ZNF800: variants seen among roughly 807,000 people sequenced by gnomAD.
The protein encoded by ZNF800 is zinc finger protein 800.
Under a neutral mutation model 59.5 loss-of-function variants are expected in ZNF800, and 13 were observed. That is an observed-to-expected ratio of 0.22 (90% CI 0.14 to 0.35). ZNF800 has a LOEUF of 0.35. ZNF800 is among the 10% of genes least tolerant of loss of function. The pLI, the probability that ZNF800 is intolerant of heterozygous loss-of-function variation, is 1.00. For synonymous variants in ZNF800, 266 were observed against 265.7 expected, an observed-to-expected ratio of 1.00 and a Z score of -0.01; for missense variants, 621 against 783.7, an observed-to-expected ratio of 0.79 and a Z score of 2.48.
rs1478727805 is a variant in ZNF800, at chr7:127,371,120, A to G, written c.*694T>C. The G allele has an allele frequency of 6.6e-6, 1 of 152,604 alleles. No homozygotes were observed. The highest frequency in any genetic ancestry group is 1.5e-5 in the Non-Finnish European group (1 of 67,998). 9.5% of individuals were successfully genotyped at this position (152,604 alleles called of 1,614,324 possible). ...ATAAAATTTAAAGAAAAATAGGGGA[A>G]TGTTTAATTTTCATAAAAACCTACA... On this transcript the variant is annotated 3_prime_UTR_variant, in exon 6 of 6. Transcript: ENST00000265827.
Position 127,377,937 on chromosome 7 carries a change from G to A in ZNF800, c.158-608C>T, listed in dbSNP as rs986941539. ...GCTATTTAGCGTGATTCTCTACGAA[G>A]TAGAGAATCTTTGTCTATACTGAGA... On this transcript the variant is annotated intron_variant, in intron 3 of 5. Transcript: ENST00000265827. The surrounding 1 kb of genome is among the most constrained non-coding windows in gnomAD (Gnocchi z 4.7). Among the ~76,000 whole-genome samples, 1 of 152,012 alleles carries A rather than the reference G, an allele frequency of 6.6e-6. No homozygotes were observed. The highest frequency in any genetic ancestry group is 2.4e-5 in the African/African-American group (1 of 41,418).
intron 1 of ZNF800, chr7:127,363,531 C>G (rs1184437659): frequency 6.6e-6 from 1 of 151,646 alleles, no homozygotes; most frequent in Non-Finnish European, 1.5e-5. Flanking sequence ...GACTCCTACC[C>G]TTAAGAAATG....
At chr7:127,375,139 A>G (rs1379867267) in intron 4 of ZNF800, 105 bp from the exon 5 acceptor site, 1 of 921,036 alleles carries the variant, frequency 1.1e-6, no homozygotes, top group African/African-American at 1.7e-5. Flanking sequence ...ATATCATATT[A>G]CCAGTTTATT....
At position 127,384,360 on chromosome 7, in the gene ZNF800, A is replaced by AGCTCTCTGTAGCTACAGCCTCTCT. The variant is rs1209292620; in HGVS notation, c.157+1699_157+1700insAGAGAGGCTGTAGCTACAGAGAGC. ...GCCATTCTCCTGCCTCAGCCTCTCG[A>AGCTCTCTGTAGCTACAGCCTCTCT]GTAGCTGAGACTACAGGCGCCCGCC... On this transcript the variant is annotated intron_variant, in intron 3 of 5. Transcript: ENST00000265827. Among the ~76,000 whole-genome samples, 9 of 149,442 alleles carry AGCTCTCTGTAGCTACAGCCTCTCT rather than the reference A, an allele frequency of 6.0e-5. No homozygotes were observed. In the East Asian group the frequency reaches 1.8e-3, roughly 30 times the overall value.
downstream of ZNF800, among the ~76,000 whole-genome samples, chr7:127,368,341 T>C (rs763001010): frequency 6.6e-6 from 1 of 152,106 alleles, no homozygotes; most frequent in Non-Finnish European, 1.5e-5. Flanking sequence ...TCCTTTTCAA[T>C]ACCAAGGATC....
intron 3 of ZNF800, among the ~76,000 whole-genome samples, chr7:127,383,230 TAGAC>T (rs774834837): frequency 1.3e-5 from 2 of 152,158 alleles, no homozygotes; most frequent in Admixed American, 6.5e-5. Context: ...TACCTGGTCA[TAGAC>T]AGCCCAGTGT....
rs925895870 is a variant in ZNF800, at chr7:127,351,218, C to G, written n.225-3175G>C. 7.2e-5 allele frequency among the ~76,000 whole-genome samples: 11 copies of G among 152,288 alleles called. No individual in the cohort carries two copies. In the East Asian group the frequency reaches 2.1e-3, roughly 29 times the overall value. On this transcript the variant is annotated intron_variant and non_coding_transcript_variant, in intron 1 of 1. Coordinates refer to the ZNF800 transcript ENST00000485577. The stretch of plus-strand genomic sequence containing the variant: ...TACACTATTGTTTCCCACCTCTGTA[C>G]TTTTGTTCTTGGCATTTCACCCATC...
exon 2 of ZNF800, chr7:127,347,921 C>A (rs995814105): frequency 6.7e-6 from 1 of 149,012 alleles, no homozygotes; most frequent in Non-Finnish European, 1.5e-5. Context: ...GGCGCCGCCG[C>A]GGAGCTTGGC....
In ZNF800 at chr7:127,374,865, T is replaced by C. The variant is rs181205501; in HGVS notation, c.471A>G (p.Thr157=). ...ISRTDNPIEV[T]ESSSTPEQTE... ...TTTGTTCAGGAGTACTGCTTGACTC[T>C]GTGACTTCAATAGGATTATCAGTCC... Residue 157 remains threonine, a synonymous_variant, in exon 5 of 6, where the codon ACA becomes ACG. Transcript: ENST00000265827. The C allele has an allele frequency of 6.1e-5, 98 of 1,613,850 alleles. No homozygotes were observed. Among genetic ancestry groups the C allele is most frequent in the Non-Finnish European group, 7.9e-5 (93 of 1,179,904 alleles).
intron 4 of ZNF800, among the ~76,000 whole-genome samples, chr7:127,375,354 T>C (rs538539143): frequency 6.6e-6 from 1 of 152,242 alleles, no homozygotes; most frequent in South Asian, 2.1e-4. Context: ...ATTTCATATT[T>C]TTAGTCTGAA....
chr7:127,358,747 T>C (rs1343430983), intron 1 of ZNF800, among the ~76,000 whole-genome samples: 2 of 152,106 alleles, frequency 1.3e-5, no homozygotes, highest in Non-Finnish European at 2.9e-5. Context: ...GTCCTTATAA[T>C]GTATTCCTCT....
At chr7:127,373,053 T>C (rs1562903193) in intron 5 of ZNF800, 2 of 985,178 alleles carry the variant, frequency 2.0e-6, no homozygotes, top group Non-Finnish European at 2.4e-6. Context: ...TAAATGTATA[T>C]ATTTTACAAC....
At position 127,374,723 on chromosome 7, in the gene ZNF800, G is replaced by A. The variant is rs778982641; in HGVS notation, c.613C>T (p.Pro205Ser). The A allele has an allele frequency of 6.2e-7, 1 of 1,613,992 alleles. No homozygotes were observed. The highest frequency in any genetic ancestry group is 1.1e-5 in the South Asian group (1 of 91,080). Reference protein sequence around the residue: ...PVEIVTDEVAPTSDEQPQESQ... With the variant: ...PVEIVTDEVASTSDEQPQESQ... ...TCCTGAGGTTGTTCATCAGATGTAG[G>A]TGCAACTTCATCTGTAACAATCTCA... is the stretch of plus-strand genomic sequence containing the variant. Residue 205 changes from proline (P) to serine (S), a missense_variant, in exon 5 of 6, where the codon CCT (proline) becomes TCT (serine). Coordinates refer to ENST00000265827, the MANE Select transcript of ZNF800 (RefSeq NM_176814.5).
rs766332848 is a variant in ZNF800, at chr7:127,374,881, T to G, written c.455A>C (p.Asn152Thr). ...AVFQYISRTD[N>T]PIEVTESSST... The stretch of plus-strand genomic sequence containing the variant: ...GCTTGACTCTGTGACTTCAATAGGA[T>G]TATCAGTCCTCGAAATATATTGAAA... The change falls in exon 5 of 6, where the codon AAT becomes ACT. Residue 152 changes from asparagine to threonine, a missense_variant. Asn to Thr is a moderately conservative substitution (Grantham distance 65). Transcript: ENST00000265827. The G allele has an allele frequency of 1.9e-6, 3 of 1,613,966 alleles. No individual in the cohort carries two copies. The South Asian group carries it at 3.3e-5, about 18-fold the overall frequency.
intron 1 of ZNF800, among the ~76,000 whole-genome samples, chr7:127,356,567 G>GA (rs71179572): frequency 1.8e-3 from 271 of 147,528 alleles, no homozygotes; most frequent in African/African-American, 4.3e-3. Flanking sequence ...GGCTTGCCAG[G>GA]AAAAAAAAAA....
chr7:127,378,583 T>A (rs957594713), intron 3 of ZNF800, among the ~76,000 whole-genome samples: 9 of 152,094 alleles, frequency 5.9e-5, no homozygotes, highest in African/African-American at 2.2e-4. Context: ...CTTAGAAGTA[T>A]AATTAATATA....
intron 2 of ZNF800, among the ~76,000 whole-genome samples, chr7:127,391,286 G>GGTGA (rs1251141458): frequency 6.6e-6 from 1 of 152,134 alleles, no homozygotes; most frequent in Non-Finnish European, 1.5e-5. Flanking sequence ...AATGATTTAA[G>GGTGA]GTGACACTTG....
intron 1 of ZNF800, chr7:127,364,078 C>T (rs10279882): frequency 0.63 from 95,234 of 151,980 alleles, 30,264 homozygotes; most frequent in East Asian, 0.86. Flanking sequence ...TCCAAAGGTT[C>T]GGGGCTTGTC....
chr7:127,358,265 GA>G (rs1554372591), intron 1 of ZNF800, among the ~76,000 whole-genome samples: 1 of 151,700 alleles, frequency 6.6e-6, no homozygotes, highest in Non-Finnish European at 1.5e-5. Context: ...GCCTGAAACT[GA>G]ATCATACTAG....
Sources: allele counts gnomAD v4.1 joint callset (sites outside exome capture counted in the v4.1 genomes callset), GRCh38; gene constraint gnomAD v4.1.1; non-coding constraint Gnocchi (gnomAD v3.1); transcripts MANE v1.5; gene names NCBI Gene and HGNC (gene_info 2026-07-23, HGNC 2026-07-21).